Variants in SPAG1 observed in about 807,000 individuals in gnomAD.
SPAG1 encodes the protein sperm-associated antigen 1.
A neutral mutation model predicts 100.5 loss-of-function variants in SPAG1; 69 were observed. That is an observed-to-expected ratio of 0.69 (90% CI 0.57 to 0.84). The LOEUF (loss-of-function observed/expected upper bound fraction) is 0.84, where lower values mean the gene tolerates loss of function less well. Among genes scored for constraint, SPAG1 ranks in the 40% least tolerant of loss-of-function variants. The pLI is 0.00. For missense variants in SPAG1, 955 were observed against 1,133.1 expected, an observed-to-expected ratio of 0.84 and a Z score of 2.26; for synonymous variants, 336 against 411.6, an observed-to-expected ratio of 0.82 and a Z score of 2.22.
At chr8:100,234,404 C>T (rs1235460089) in intron 16 of SPAG1, among the ~76,000 whole-genome samples, 2 of 152,036 alleles carry the variant, frequency 1.3e-5, no homozygotes, top group East Asian at 3.8e-4. Context: ...TCTCTGTGCC[C>T]CTGTACAATA....
rs1554649774 is a variant in SPAG1 at position 100,172,666 on chromosome 8, GTA to G, written c.301-5148_301-5147del. On this transcript the variant is annotated intron_variant, in intron 3 of 18. Transcript: ENST00000388798. ...TGTGTGTGTGTGTGTGTGTGTGTGT[GTA>G]TGTGTGTGTGTATGTATGTGTATAT... Among the ~76,000 whole-genome samples, 721 of 135,966 alleles carry G rather than the reference GTA, an allele frequency of 5.3e-3. 6 individuals are homozygous for G. Among genetic ancestry groups the G allele is most frequent in the African/African-American group, 0.019 (705 of 37,758 alleles). 89.2% of individuals were successfully genotyped at this position (135,966 alleles called of 152,430 possible). A position where few individuals can be genotyped will look rare whatever the true frequency, so the allele number is the denominator to read the frequency against.
chr8:100,207,008 T>C (rs1032101879), intron 10 of SPAG1, among the ~76,000 whole-genome samples: 1 of 152,206 alleles, frequency 6.6e-6, no homozygotes, highest in Non-Finnish European at 1.5e-5. Context: ...TGAATCACAG[T>C]GGAGGCCTCT....
chr8:100,180,490 CA>C (rs1412399429), intron 4 of SPAG1, among the ~76,000 whole-genome samples: 1 of 152,132 alleles, frequency 6.6e-6, no homozygotes, highest in Non-Finnish European at 1.5e-5. Context: ...AAAATTACAA[CA>C]AATTTCAAGA....
At chr8:100,210,082 A>C (rs960502828) in intron 10 of SPAG1, among the ~76,000 whole-genome samples, 2 of 152,066 alleles carry the variant, frequency 1.3e-5, no homozygotes, top group African/African-American at 4.8e-5. Context: ...GCTGATGTTT[A>C]AGGGAAAGCT....
At chr8:100,214,038 GT>G (rs1817861592) in intron 12 of SPAG1, 120 bp downstream of exon 12, 3 of 562,900 alleles carry the variant, frequency 5.3e-6, no homozygotes, top group Non-Finnish European at 6.5e-6. Flanking sequence ...TTTATGGTAT[GT>G]TAATTGATTG....
intron 16 of SPAG1, among the ~76,000 whole-genome samples, chr8:100,235,032 G>A (rs912875326): frequency 2.6e-5 from 4 of 152,154 alleles, no homozygotes; most frequent in South Asian, 2.1e-4. Context: ...AGCTGCTGTG[G>A]CTGCTATAAC....
intron 2 of SPAG1, chr8:100,165,478 G>A (rs1815506576): frequency 5.5e-6 from 2 of 361,090 alleles, no homozygotes; most frequent in Non-Finnish European, 1.1e-5. Flanking sequence ...CTTTGACATG[G>A]TGGCGCCGGG....
intron 10 of SPAG1, among the ~76,000 whole-genome samples, chr8:100,203,327 TTA>T (rs530522201): frequency 6.6e-6 from 1 of 151,420 alleles, no homozygotes; most frequent in African/African-American, 2.4e-5. Context: ...CTGAATAAGC[TTA>T]TATATATATA....
At chr8:100,196,550 A>C (rs908640288) in intron 10 of SPAG1, among the ~76,000 whole-genome samples, 6 of 152,196 alleles carry the variant, frequency 3.9e-5, no homozygotes, top group African/African-American at 1.4e-4. Context: ...ATTTTCAAAA[A>C]TTGGGTTGTT....
At chr8:100,172,491 ATGCC>A (rs748492571) in intron 3 of SPAG1, among the ~76,000 whole-genome samples, 5 of 152,144 alleles carry the variant, frequency 3.3e-5, no homozygotes, top group Admixed American at 6.5e-5. Flanking sequence ...GTGGTGGTGC[ATGCC>A]TGTAATCCCA....
At chr8:100,229,407 G>A (rs1818663748) in intron 14 of SPAG1, among the ~76,000 whole-genome samples, 1 of 152,134 alleles carries the variant, frequency 6.6e-6, no homozygotes, top group Non-Finnish European at 1.5e-5. Flanking sequence ...CCGGGCGACA[G>A]AGCGAGACTC....
chr8:100,227,932 G>A (rs1266789512), intron 14 of SPAG1, among the ~76,000 whole-genome samples: 2 of 139,928 alleles, frequency 1.4e-5, no homozygotes, highest in African/African-American at 2.7e-5. Flanking sequence ...CTGCTGCCTC[G>A]ACCTCCTGGG....
At chr8:100,220,042 G>A (rs918623738) in intron 12 of SPAG1, among the ~76,000 whole-genome samples, 1 of 152,182 alleles carries the variant, frequency 6.6e-6, no homozygotes, top group South Asian at 2.1e-4. Context: ...GGGAGCTCCC[G>A]GCTCAGTGGG....
intron 10 of SPAG1, among the ~76,000 whole-genome samples, chr8:100,195,297 T>C (rs1051444372): frequency 7.2e-5 from 11 of 152,256 alleles, no homozygotes; most frequent in Admixed American, 6.5e-4. Flanking sequence ...AAAAATCAAC[T>C]TGTAAGTAAT....
At chr8:100,217,717 A>G (rs1021877471) in intron 12 of SPAG1, among the ~76,000 whole-genome samples, 1 of 152,210 alleles carries the variant, frequency 6.6e-6, no homozygotes, top group African/African-American at 2.4e-5. Context: ...CTTTCCATTG[A>G]GGACATTTCA....
intron 13 of SPAG1, among the ~76,000 whole-genome samples, chr8:100,222,937 C>G (rs1186217057): frequency 6.6e-6 from 1 of 152,150 alleles, no homozygotes; most frequent in Non-Finnish European, 1.5e-5. Flanking sequence ...TTTCCTTTCC[C>G]CCCAGCCCCT....
chr8:100,231,043 C>T (rs1467727372), intron 14 of SPAG1, 113 bp from the exon 15 acceptor site: 10 of 805,942 alleles, frequency 1.2e-5, no homozygotes, highest in Admixed American at 3.1e-5. Flanking sequence ...TTTCACCCTG[C>T]ATGCTGTGTG....
intron 17 of SPAG1, 76 bp from the exon 18 acceptor site, chr8:100,240,327 T>C: frequency 7.2e-7 from 1 of 1,395,830 alleles, no homozygotes; most frequent in East Asian, 2.3e-5. Flanking sequence ...TCAATTCTCA[T>C]TCTGACAGAC....
chr8:100,233,596 C>T, intron 16 of SPAG1, 59 bp downstream of exon 16: 1 of 1,501,266 alleles, frequency 6.7e-7, no homozygotes, highest in Non-Finnish European at 9.0e-7. Context: ...AAGTGGTTTT[C>T]ACAAGCATAA....
Sources: allele counts gnomAD v4.1 joint callset (sites outside exome capture counted in the v4.1 genomes callset), GRCh38; gene constraint gnomAD v4.1.1; transcripts MANE v1.5; gene names NCBI Gene and HGNC (gene_info 2026-07-23, HGNC 2026-07-21).